PCNX1: variants seen among roughly 807,000 people sequenced by gnomAD.
The protein encoded by PCNX1 is pecanex-like protein 1.
PCNX1 carries 78 observed loss-of-function variants against 242.2 expected under a neutral mutation model. The observed-to-expected ratio is 0.32, with a 90% confidence interval of 0.27 to 0.39. PCNX1 has a LOEUF of 0.39. Among genes scored for constraint, PCNX1 ranks in the 10% least tolerant of loss-of-function variants. PCNX1 has a pLI of 1.00. For synonymous variants in PCNX1, 1,024 were observed against 1,032.9 expected (o/e 0.99, Z 0.17); for missense variants, 2,581 against 2,856.5 (o/e 0.90, Z 2.20).
At chr14:70,975,004 T>A (rs1010930014) in intron 5 of PCNX1, among the ~76,000 whole-genome samples, 2 of 152,210 alleles carry the variant, frequency 1.3e-5, no homozygotes, top group Non-Finnish European at 1.5e-5. Flanking sequence ...AAAGTAAGTT[T>A]GGCTGTGTCT....
intron 28 of PCNX1, among the ~76,000 whole-genome samples, chr14:71,084,134 G>A (rs985402678): frequency 6.6e-6 from 1 of 152,146 alleles, no homozygotes; most frequent in Non-Finnish European, 1.5e-5. Flanking sequence ...GAATTTGCTG[G>A]AGGTCCACTT....
At chr14:70,968,152 A>C in intron 3 of PCNX1, 46 bp from the exon 4 acceptor site, 94 of 1,286,652 alleles carry the variant, frequency 7.3e-5, no homozygotes, top group Middle Eastern at 1.9e-4. Context: ...ATAATGACAT[A>C]GCTAGCATTT....
intron 6 of PCNX1, 53 bp downstream of exon 6, chr14:70,978,701 A>G (rs2058751568): frequency 1.4e-6 from 2 of 1,453,368 alleles, no homozygotes; most frequent in Non-Finnish European, 1.9e-6. Context: ...TTTTCATACT[A>G]TTAATTAGAG....
intron 2 of PCNX1, among the ~76,000 whole-genome samples, chr14:70,947,830 A>G (rs2057519552): frequency 6.6e-6 from 1 of 152,212 alleles, no homozygotes; most frequent in South Asian, 2.1e-4. Context: ...AAAAGCAAAT[A>G]AAAGAAATAT....
chr14:70,946,629 T>C (rs2526855), intron 1 of PCNX1, among the ~76,000 whole-genome samples: 96,411 of 152,148 alleles, frequency 0.63, 30,823 homozygotes, highest in South Asian at 0.72. Context: ...TAATCAACAT[T>C]AAAATTGAGA....
In PCNX1 at chr14:70,925,738, A is replaced by G. The variant is rs112075932; in HGVS notation, c.153+17735A>G. Among the ~76,000 whole-genome samples the G allele has an allele frequency of 1.2e-3, 187 of 152,160 alleles. 2 individuals are homozygous for G. Among genetic ancestry groups the G allele is most frequent in the African/African-American group, 3.2e-3 (134 of 41,504 alleles). ...TATACCCATGCACCATATGCTTTCA[A>G]ATGTTCTCATTTAATCCTCATCATA... On this transcript the variant is annotated intron_variant, in intron 1 of 35. Transcript: ENST00000304743.
chr14:71,087,439 A>G (rs1239167169), intron 28 of PCNX1, among the ~76,000 whole-genome samples: 3 of 152,216 alleles, frequency 2.0e-5, no homozygotes, highest in Non-Finnish European at 2.9e-5. Flanking sequence ...TTATAAGTTA[A>G]TGGTTTATAA....
chr14:70,937,975 G>C (rs1566589755), intron 1 of PCNX1, among the ~76,000 whole-genome samples: 4 of 152,316 alleles, frequency 2.6e-5, no homozygotes, highest in Middle Eastern at 3.4e-3. Context: ...TTTGCACATT[G>C]ATTTTGTATC....
At chr14:70,971,027 A>C (rs2058522851) in intron 5 of PCNX1, among the ~76,000 whole-genome samples, 1 of 152,044 alleles carries the variant, frequency 6.6e-6, no homozygotes, top group East Asian at 1.9e-4. Flanking sequence ...ACTTGCTCAA[A>C]GTCCCACAGC....
intron 6 of PCNX1, among the ~76,000 whole-genome samples, chr14:70,979,060 A>G (rs1003175168): frequency 3.9e-5 from 6 of 152,228 alleles, no homozygotes; most frequent in African/African-American, 1.4e-4. Context: ...TTTCAAAATT[A>G]GATCACTCAG....
chr14:71,083,639 T>C (rs550073282), intron 28 of PCNX1, among the ~76,000 whole-genome samples: 1 of 152,126 alleles, frequency 6.6e-6, no homozygotes, highest in South Asian at 2.1e-4. Context: ...GCTTGATCGA[T>C]TTGGCTATTG....
At chr14:70,984,203 C>T (rs908083213) in intron 6 of PCNX1, among the ~76,000 whole-genome samples, 10 of 151,346 alleles carry the variant, frequency 6.6e-5, no homozygotes, top group Admixed American at 5.3e-4. Flanking sequence ...TCCAGATTTA[C>T]ACCTTTTCCC....
chr14:70,965,042 C>A (rs2058335384), intron 3 of PCNX1, among the ~76,000 whole-genome samples: 2 of 152,174 alleles, frequency 1.3e-5, no homozygotes, highest in Admixed American at 6.5e-5. Context: ...TACTGCTACA[C>A]ATTATCATAT....
chr14:70,965,308 T>C (rs1203213596), intron 3 of PCNX1: 1 of 152,154 alleles, frequency 6.6e-6, no homozygotes, highest in Non-Finnish European at 1.5e-5. Context: ...GGTCTTATAC[T>C]GAAAGAGATT....
chr14:71,014,134 A>G (rs1411057329), intron 11 of PCNX1, among the ~76,000 whole-genome samples: 1 of 152,208 alleles, frequency 6.6e-6, no homozygotes, highest in Non-Finnish European at 1.5e-5. Context: ...GGAGACATTT[A>G]TGGTTCATAT....
At chr14:70,957,834 G>T (rs570326816) in intron 2 of PCNX1, among the ~76,000 whole-genome samples, 46 of 139,600 alleles carry the variant, frequency 3.3e-4, no homozygotes, top group Admixed American at 1.9e-3. Flanking sequence ...GTATGTGTGT[G>T]TATATATATA....
chr14:70,995,878 A>T lies in PCNX1; in HGVS notation c.2582A>T (p.His861Leu). 6.2e-7 allele frequency: 1 copy of T among 1,614,050 alleles called. No individual in the cohort carries two copies. The highest frequency in any genetic ancestry group is 8.5e-7 in the Non-Finnish European group (1 of 1,179,922). Residue 861 changes from histidine (H) to leucine (L), a missense_variant, in exon 8 of 36, where the codon CAT becomes CTT. Physicochemically the swap from His to Leu is moderately conservative, Grantham distance 99 (BLOSUM62 -3). This residue lies in a region of PCNX1 where 1,204 missense variants were observed against 1,216.7 expected (regional missense o/e 0.99). Coordinates refer to ENST00000304743, the MANE Select transcript of PCNX1 (RefSeq NM_014982.3). The stretch of plus-strand genomic sequence containing the variant: ...GGGAGTGTCCACTTAGAAGCATCAC[A>T]TGACAATGCATCTGCTGTAGGCGGT... ...RNGSVHLEASHDNASAVGGSS... is the reference protein window; with the variant it reads ...RNGSVHLEASLDNASAVGGSS...
intron 4 of PCNX1, 108 bp from the exon 5 acceptor site, chr14:70,968,913 T>C (rs1415906345): frequency 4.5e-6 from 3 of 659,868 alleles, no homozygotes; most frequent in Non-Finnish European, 5.4e-6. Flanking sequence ...AAAACTACTT[T>C]AGTTGATAGA....
chr14:70,919,137 G>A (rs1272993648), intron 1 of PCNX1, among the ~76,000 whole-genome samples: 5 of 152,008 alleles, frequency 3.3e-5, no homozygotes. Context: ...TTCTGCCTCA[G>A]CCTCCAGAGT....
Sources: gnomAD v4.1 joint callset for allele counts (sites outside exome capture counted in the v4.1 genomes callset) on GRCh38, gnomAD v4.1.1 for gene constraint, gnomAD v4.1.1 regional missense constraint, MANE v1.5 for transcripts, NCBI Gene and HGNC (gene_info 2026-07-23, HGNC 2026-07-21) for gene names.